PTCHD4: variants seen among roughly 807,000 people sequenced by gnomAD.
PTCHD4 encodes the protein patched domain containing 4, also known as patched domain-containing protein 4.
Under a neutral mutation model 58.1 loss-of-function variants are expected in PTCHD4, and 33 were observed. The ratio of observed to expected loss-of-function variants is 0.57; its 90% confidence interval spans 0.43 to 0.76. The LOEUF (loss-of-function observed/expected upper bound fraction) is 0.76, where lower values mean the gene tolerates loss of function less well. Ranked by LOEUF, PTCHD4 falls within the 30% of genes least tolerant of loss-of-function variation. The pLI, the probability that PTCHD4 is intolerant of heterozygous loss-of-function variation, is 0.00. For missense variants in PTCHD4, 1,058 were observed against 1,027.1 expected (o/e 1.03, Z -0.41); for synonymous variants, 478 against 409.6 (o/e 1.17, Z -2.02).
chr6:48,008,349 A>C (rs553222319), intron 4 of PTCHD4, among the ~76,000 whole-genome samples: 2 of 152,196 alleles, frequency 1.3e-5, no homozygotes, highest in South Asian at 4.1e-4. Flanking sequence ...GTCTCTCATA[A>C]TCCCTGATCT....
intron 4 of PTCHD4, among the ~76,000 whole-genome samples, chr6:47,982,683 T>G (rs1469933468): frequency 6.6e-6 from 1 of 152,182 alleles, no homozygotes; most frequent in African/African-American, 2.4e-5. Context: ...GAGACGGGGT[T>G]TCACCGTGTT....
intron 3 of PTCHD4, among the ~76,000 whole-genome samples, chr6:48,046,212 T>C (rs1269832877): frequency 6.6e-6 from 1 of 151,878 alleles, no homozygotes; most frequent in African/African-American, 2.4e-5. Flanking sequence ...TTAAGACCTT[T>C]TCATTGTATA....
At position 47,876,916 on chromosome 6, in the gene PTCHD4, C is replaced by T. The variant is rs1391542158; in HGVS notation, c.*1387G>A. 6.6e-6 allele frequency among the ~76,000 whole-genome samples: 1 copy of T among 151,958 alleles called. No homozygotes were observed. The highest frequency in any genetic ancestry group is 1.5e-5 in the Non-Finnish European group (1 of 67,944). On this transcript the variant is annotated 3_prime_UTR_variant, in exon 5 of 5. Transcript: ENST00000339488. Reference sequence around the variant, plus strand: ...AGCAGCAGTTATAGTTAATATCCCACCTGTGGAGAGCTGCGATCACCCTAG... The same window carrying T: ...AGCAGCAGTTATAGTTAATATCCCATCTGTGGAGAGCTGCGATCACCCTAG...
chr6:47,894,330 C>T lies in PTCHD4; in HGVS notation c.899-14394G>A, dbSNP rs140613601. On this transcript the variant is annotated intron_variant, in intron 4 of 4. Coordinates refer to ENST00000339488, the MANE Select transcript of PTCHD4 (RefSeq NM_001384253.1). ...TTTCAAAAAATATTTGATGTTAATT[C>T]TTGAAGTCAGGGAATTGAGGATAGC... 5.8e-4 allele frequency among the ~76,000 whole-genome samples: 88 copies of T among 152,286 alleles called. No homozygotes were observed. The East Asian group carries it at 7.1e-3, about 12-fold the overall frequency.
chr6:47,944,198 A>G (rs1349851982), intron 4 of PTCHD4, among the ~76,000 whole-genome samples: 2 of 152,144 alleles, frequency 1.3e-5, no homozygotes, highest in Non-Finnish European at 2.9e-5. Context: ...ACACTGCACA[A>G]TGGTTTTTGG....
At chr6:47,907,832 T>A (rs1191384788) in intron 4 of PTCHD4, among the ~76,000 whole-genome samples, 2 of 152,156 alleles carry the variant, frequency 1.3e-5, no homozygotes. Flanking sequence ...CAGAATCCCC[T>A]GTAGCCAGGA....
chr6:47,945,645 T>C lies in PTCHD4; in HGVS notation c.898+62989A>G, dbSNP rs530056563. Reference sequence around the variant, plus strand: ...TTTTTTTGAGAACAATCAGGTTGAATGATGAAGCTGAAGTTTATTTACTTT... The same window carrying C: ...TTTTTTTGAGAACAATCAGGTTGAACGATGAAGCTGAAGTTTATTTACTTT... On this transcript the variant is annotated intron_variant, in intron 4 of 4. Coordinates refer to ENST00000339488, the MANE Select transcript of PTCHD4 (RefSeq NM_001384253.1). Among the ~76,000 whole-genome samples, 8 of 152,128 alleles carry C rather than the reference T, an allele frequency of 5.3e-5. No individual in the cohort carries two copies. The South Asian group carries it at 1.7e-3, about 32-fold the overall frequency.
intron 4 of PTCHD4, among the ~76,000 whole-genome samples, chr6:47,948,308 C>T (rs541690421): frequency 2.6e-5 from 4 of 152,252 alleles, no homozygotes; most frequent in African/African-American, 7.2e-5. Flanking sequence ...CCAGCAATGA[C>T]GAGAGGCTCT....
chr6:47,920,330 T>C (rs979196776), intron 4 of PTCHD4, among the ~76,000 whole-genome samples: 6 of 152,190 alleles, frequency 3.9e-5, no homozygotes, highest in Admixed American at 3.3e-4. Flanking sequence ...TTAGGATTTT[T>C]ACCTGAGTGA....
chr6:47,910,003 G>A (rs1202640121), intron 4 of PTCHD4, among the ~76,000 whole-genome samples: 1 of 152,090 alleles, frequency 6.6e-6, no homozygotes, highest in Non-Finnish European at 1.5e-5. Flanking sequence ...GCTTTTAGGA[G>A]GTCATTAATA....
chr6:47,866,565 C>T lies in PTCHD4; in HGVS notation c.*11738G>A, dbSNP rs1254060766. Among the ~76,000 whole-genome samples the T allele has an allele frequency of 1.3e-5, 2 of 151,798 alleles. No homozygotes were observed. The highest frequency in any genetic ancestry group is 4.8e-5 in the African/African-American group (2 of 41,386). On this transcript the variant is annotated 3_prime_UTR_variant, in exon 5 of 5. Coordinates refer to ENST00000339488, the MANE Select transcript of PTCHD4 (RefSeq NM_001384253.1). The stretch of plus-strand genomic sequence containing the variant: ...GTGAACAGATGTCCTCCTCGTGAAC[C>T]AGTTGGAAAATGGGGCCTCCCCAGG...
intron 4 of PTCHD4, among the ~76,000 whole-genome samples, chr6:47,935,178 T>C (rs1212241725): frequency 6.6e-6 from 1 of 152,222 alleles, no homozygotes; most frequent in East Asian, 1.9e-4. Context: ...TGTTCTCACA[T>C]ATTGCACACA....
chr6:48,067,415 T>C (rs1197132293), intron 3 of PTCHD4, among the ~76,000 whole-genome samples: 1 of 152,216 alleles, frequency 6.6e-6, no homozygotes, highest in Non-Finnish European at 1.5e-5. Context: ...GAATTTTTTA[T>C]GGGAAAGGAA....
chr6:48,010,707 C>G (rs1354516137), intron 3 of PTCHD4, among the ~76,000 whole-genome samples: 1 of 152,028 alleles, frequency 6.6e-6, no homozygotes, highest in Non-Finnish European at 1.5e-5. Context: ...ATAAACCCAT[C>G]AACTACATTA....
At chr6:48,072,179 T>C (rs1764988411) in intron 1 of PTCHD4, among the ~76,000 whole-genome samples, 1 of 152,132 alleles carries the variant, frequency 6.6e-6, no homozygotes, top group African/African-American at 2.4e-5. Context: ...ACCTCCTTCC[T>C]CCTTAAGGTT....
At chr6:48,037,292 A>G (rs965818213) in intron 3 of PTCHD4, among the ~76,000 whole-genome samples, 8 of 152,166 alleles carry the variant, frequency 5.3e-5, no homozygotes, top group Non-Finnish European at 1.2e-4. Flanking sequence ...ATATAAACTA[A>G]ACTTTATCAT....
At chr6:47,938,453 C>T (rs532680809) in intron 4 of PTCHD4, among the ~76,000 whole-genome samples, 7 of 152,244 alleles carry the variant, frequency 4.6e-5, no homozygotes, top group African/African-American at 1.7e-4. Flanking sequence ...GGGCCTGTGG[C>T]TACAGATGCT....
At chr6:47,907,374 G>C (rs887945306) in intron 4 of PTCHD4, among the ~76,000 whole-genome samples, 3 of 152,122 alleles carry the variant, frequency 2.0e-5, no homozygotes, top group African/African-American at 7.2e-5. Flanking sequence ...AGATTGAAAA[G>C]ACTCATTTCA....
chr6:48,018,777 A>G (rs1762953504), intron 3 of PTCHD4, among the ~76,000 whole-genome samples: 1 of 152,216 alleles, frequency 6.6e-6, no homozygotes, highest in Admixed American at 6.5e-5. Flanking sequence ...GTGGTTCTTA[A>G]AAGCAGGCAT....
Sources: gnomAD v4.1 joint callset for allele counts (sites outside exome capture counted in the v4.1 genomes callset) on GRCh38, gnomAD v4.1.1 for gene constraint, MANE v1.5 for transcripts, NCBI Gene and HGNC (gene_info 2026-07-23, HGNC 2026-07-21) for gene names.